WDR59: variants seen among roughly 807,000 people sequenced by gnomAD.
WDR59 encodes WD repeat domain 59, also known as GATOR2 complex protein WDR59.
In WDR59, 100 loss-of-function variants were observed where a neutral mutation model predicts 131.2. That is an observed-to-expected ratio of 0.76 (90% CI 0.65 to 0.90). The LOEUF (loss-of-function observed/expected upper bound fraction) is 0.90, where lower values mean the gene tolerates loss of function less well. Ranked by LOEUF, WDR59 falls within the 40% of genes least tolerant of loss-of-function variation. The pLI, the probability that WDR59 is intolerant of heterozygous loss-of-function variation, is 0.00. For missense variants in WDR59, 1,203 were observed against 1,262.2 expected (o/e 0.95, Z 0.71); for synonymous variants, 601 against 466.2 (o/e 1.29, Z -3.72).
intron 6 of WDR59, among the ~76,000 whole-genome samples, 187 bp from the exon 7 acceptor site, chr16:74,943,013 G>T (rs777869747): frequency 3.3e-5 from 5 of 152,126 alleles, no homozygotes; most frequent in Non-Finnish European, 4.4e-5. Flanking sequence ...ATTAACACAT[G>T]GGAACAGGAT....
At chr16:74,914,849 C>T (rs1392450303) in intron 13 of WDR59, among the ~76,000 whole-genome samples, 1 of 152,136 alleles carries the variant, frequency 6.6e-6, no homozygotes, top group African/African-American at 2.4e-5. Context: ...ACCTTGGCCT[C>T]CCAAAGTGCT....
chr16:74,883,719 C>G (rs1213029541), intron 25 of WDR59, among the ~76,000 whole-genome samples: 1 of 152,172 alleles, frequency 6.6e-6, no homozygotes, highest in African/African-American at 2.4e-5. Context: ...GACCCTAGCT[C>G]CAGGTATTGG....
intron 25 of WDR59, among the ~76,000 whole-genome samples, chr16:74,876,344 G>T (rs1471227696): frequency 2.6e-5 from 4 of 152,076 alleles, no homozygotes; most frequent in Non-Finnish European, 5.9e-5. Context: ...CTCATGAAAA[G>T]CCTAATTAGT....
rs961417625 is a variant in WDR59 at position 74,880,364 on chromosome 16, G to T, written c.2689+5289C>A. On this transcript the variant is annotated intron_variant, in intron 25 of 25. Transcript: ENST00000262144. Reference sequence around the variant, plus strand: ...CGGGAGGCTGAGACAGGAGAATGGCGTGAACCTGGGAGGCGGAGCTTGCAG... The same window carrying T: ...CGGGAGGCTGAGACAGGAGAATGGCTTGAACCTGGGAGGCGGAGCTTGCAG... Among the ~76,000 whole-genome samples, 4 of 152,070 alleles carry T rather than the reference G, an allele frequency of 2.6e-5. No individual in the cohort carries two copies. The East Asian group carries it at 7.7e-4, about 29-fold the overall frequency.
intron 10 of WDR59, among the ~76,000 whole-genome samples, chr16:74,920,749 C>T (rs1385554279): frequency 6.6e-6 from 1 of 152,174 alleles, no homozygotes; most frequent in Non-Finnish European, 1.5e-5. Context: ...CGGGACATAA[C>T]CCCATCATAA....
intron 6 of WDR59, among the ~76,000 whole-genome samples, chr16:74,944,502 G>A (rs1255833479): frequency 6.6e-6 from 1 of 150,928 alleles, no homozygotes; most frequent in Non-Finnish European, 1.5e-5. Flanking sequence ...AGGGTCGAAT[G>A]GAGGTCCCGG....
chr16:74,944,169 GATC>G (rs1257912106), intron 6 of WDR59, among the ~76,000 whole-genome samples: 1 of 152,070 alleles, frequency 6.6e-6, no homozygotes, highest in African/African-American at 2.4e-5. Context: ...GCTTTATCAA[GATC>G]ATTATACCAG....
intron 18 of WDR59, among the ~76,000 whole-genome samples, chr16:74,900,238 G>T (rs955299795): frequency 1.3e-5 from 2 of 152,056 alleles, no homozygotes; most frequent in Admixed American, 1.3e-4. Flanking sequence ...GTAAGTGTTT[G>T]GGGGGTGATG....
At chr16:74,917,886 G>T in intron 11 of WDR59, 43 bp downstream of exon 11, 2 of 1,531,992 alleles carry the variant, frequency 1.3e-6, no homozygotes, top group South Asian at 1.2e-5. Context: ...ACACTTTTTG[G>T]TGGATTCAGG....
intron 25 of WDR59, among the ~76,000 whole-genome samples, chr16:74,879,866 TC>T (rs1283141012): frequency 1.3e-5 from 2 of 152,130 alleles, no homozygotes; most frequent in African/African-American, 2.4e-5. Context: ...CCTTTTCTTT[TC>T]ATGACAAAAT....
At chr16:74,978,357 T>C (rs955808816) in intron 1 of WDR59, among the ~76,000 whole-genome samples, 5 of 144,526 alleles carry the variant, frequency 3.5e-5, no homozygotes, top group African/African-American at 1.3e-4. Context: ...CCAGGCCTGG[T>C]GGCATATGCC....
Position 74,875,063 on chromosome 16 carries a change from G to T in WDR59, c.2690-619C>A, listed in dbSNP as rs149619434. Among the ~76,000 whole-genome samples, 391 of 152,352 alleles carry T rather than the reference G, an allele frequency of 2.6e-3. 3 individuals are homozygous for T. The highest frequency in any genetic ancestry group is 7.3e-3 in the African/African-American group (304 of 41,574). On this transcript the variant is annotated intron_variant, in intron 25 of 25. Coordinates refer to ENST00000262144, the MANE Select transcript of WDR59 (RefSeq NM_030581.4). ...GACGGCTGGCAGGGCCTGGCACGCA[G>T]GAGGTGTTGAACAGGTATCAGCTGA...
In WDR59 at chr16:74,980,172, A is replaced by G. The variant is rs534818408; in HGVS notation, c.54+4792T>C. 2.3e-4 allele frequency among the ~76,000 whole-genome samples: 34 copies of G among 149,668 alleles called. No homozygotes were observed. In the South Asian group the frequency reaches 6.4e-3, roughly 28 times the overall value. On this transcript the variant is annotated intron_variant, in intron 1 of 25. Transcript: ENST00000262144. ...CCATGCCTGGCCTAAGTTTTCTTAT[A>G]GTGTTAACACTCATTGATGCCAGGA...
intron 6 of WDR59, among the ~76,000 whole-genome samples, chr16:74,945,332 C>A (rs2032540103): frequency 6.6e-6 from 1 of 151,478 alleles, no homozygotes; most frequent in Admixed American, 6.6e-5. Context: ...AAAAAATTAG[C>A]CGGGCATGGT....
At chr16:74,914,136 C>T (rs28691253) in intron 13 of WDR59, among the ~76,000 whole-genome samples, 14,193 of 152,116 alleles carry the variant, frequency 0.093, 1,509 homozygotes, top group African/African-American at 0.27. Context: ...CGCGTGAACC[C>T]GAGAGGCAGA....
chr16:74,953,179 G>T (rs1354060484), intron 3 of WDR59, among the ~76,000 whole-genome samples: 2 of 152,082 alleles, frequency 1.3e-5, no homozygotes, highest in East Asian at 3.9e-4. Context: ...TTTCTCAAAA[G>T]GTTGCCTTCC....
intron 1 of WDR59, among the ~76,000 whole-genome samples, chr16:74,968,113 G>A (rs1370097973): frequency 6.6e-6 from 1 of 152,126 alleles, no homozygotes; most frequent in African/African-American, 2.4e-5. Flanking sequence ...GTAGAATGGA[G>A]GTTGCCAGGG....
intron 8 of WDR59, among the ~76,000 whole-genome samples, chr16:74,929,238 C>T (rs2031159343): frequency 6.6e-6 from 1 of 152,134 alleles, no homozygotes; most frequent in Non-Finnish European, 1.5e-5. Flanking sequence ...CCATGCCCAG[C>T]TAATTTTTTT....
At position 74,886,450 on chromosome 16, in the gene WDR59, T is replaced by A. The variant is rs964086796; in HGVS notation, c.2420-54A>T. 11 of 1,596,962 alleles carry A rather than the reference T, an allele frequency of 6.9e-6. No individual in the cohort carries two copies. The African/African-American group carries it at 1.5e-4, about 21-fold the overall frequency. Reference sequence around the variant, plus strand: ...TGGCAATCAGAGAAGGCATGGAAAATATCTGAAGAGTCTCATAAGACAGCA... The same window carrying A: ...TGGCAATCAGAGAAGGCATGGAAAAAATCTGAAGAGTCTCATAAGACAGCA... On this transcript the variant is annotated intron_variant, in intron 23 of 25. Coordinates refer to ENST00000262144, the MANE Select transcript of WDR59 (RefSeq NM_030581.4).
Sources: gnomAD v4.1 joint callset for allele counts (sites outside exome capture counted in the v4.1 genomes callset) on GRCh38, gnomAD v4.1.1 for gene constraint, MANE v1.5 for transcripts, NCBI Gene and HGNC (gene_info 2026-07-23, HGNC 2026-07-21) for gene names.